The following FER variants were observed in gnomAD, a reference collection of about 807,000 sequenced individuals.
FER encodes the protein tyrosine-protein kinase Fer.
In FER, 63 loss-of-function variants were observed where a neutral mutation model predicts 111.0. The observed-to-expected ratio is 0.57, with a 90% CI of 0.46 to 0.70. FER has a LOEUF of 0.70. Ranked by LOEUF, FER falls within the 30% of genes least tolerant of loss-of-function variation. The pLI, the probability that FER is intolerant of heterozygous loss-of-function variation, is 0.00. For synonymous variants in FER, 327 were observed against 313.9 expected (o/e 1.04, Z -0.44); for missense variants, 914 against 954.0 (o/e 0.96, Z 0.55).
At chr5:108,754,342 T>C (rs189051797) in intron 1 of FER, among the ~76,000 whole-genome samples, 1 of 144,882 alleles carries the variant, frequency 6.9e-6, no homozygotes, top group East Asian at 2.0e-4. Context: ...AGGAGTTCAA[T>C]ACTGCATTGA....
chr5:108,795,612 T>G (rs1379047743), intron 2 of FER, among the ~76,000 whole-genome samples: 1 of 152,178 alleles, frequency 6.6e-6, no homozygotes, highest in Non-Finnish European at 1.5e-5. Flanking sequence ...AGCTCACTAA[T>G]TCTTTCTTCT....
intron 13 of FER, among the ~76,000 whole-genome samples, chr5:109,025,558 G>A (rs530748185): frequency 0.024 from 3,577 of 151,324 alleles, 51 homozygotes; most frequent in African/African-American, 0.044. Context: ...CAATCATGTC[G>A]TCTGCAAACA....
chr5:109,066,737 A>G (rs1317439118), intron 16 of FER, among the ~76,000 whole-genome samples: 1 of 152,212 alleles, frequency 6.6e-6, no homozygotes, highest in African/African-American at 2.4e-5. Flanking sequence ...GATTAATTAC[A>G]CTATTTGTTA....
At chr5:108,996,485 G>A (rs1031400704) in intron 13 of FER, among the ~76,000 whole-genome samples, 1 of 152,152 alleles carries the variant, frequency 6.6e-6, no homozygotes, top group Non-Finnish European at 1.5e-5. Flanking sequence ...CATAAGGCTA[G>A]CCAGTTTTCC....
rs75720966 is a variant in FER, at chr5:109,104,770, T to C, written c.2048+4251T>C. The stretch of plus-strand genomic sequence containing the variant: ...TTTTTTTCTTTTTTTTGAAACGGAG[T>C]CTCACTCTGTCGCCCAGGCTGGAGT... On this transcript the variant is annotated intron_variant, in intron 17 of 19. Coordinates refer to ENST00000281092, the MANE Select transcript of FER (RefSeq NM_005246.4). 1.5e-3 allele frequency among the ~76,000 whole-genome samples: 225 copies of C among 151,824 alleles called. 1 individual carries two copies. The highest frequency in any genetic ancestry group is 4.9e-3 in the African/African-American group (202 of 41,336).
At chr5:109,005,027 G>T (rs1581611113) in intron 13 of FER, among the ~76,000 whole-genome samples, 1 of 152,070 alleles carries the variant, frequency 6.6e-6, no homozygotes, top group South Asian at 2.1e-4. Flanking sequence ...ACTAGCCACA[G>T]TAGGAACTTA....
intron 2 of FER, among the ~76,000 whole-genome samples, chr5:108,779,635 G>T (rs1347790237): frequency 6.6e-6 from 1 of 152,184 alleles, no homozygotes; most frequent in Non-Finnish European, 1.5e-5. Context: ...TTGTGTATTA[G>T]CCTTGAAGCC....
intron 17 of FER, among the ~76,000 whole-genome samples, chr5:109,138,690 G>A (rs1407220693): frequency 3.9e-5 from 6 of 151,998 alleles, no homozygotes; most frequent in Non-Finnish European, 2.9e-5. Flanking sequence ...AGCTATCCTT[G>A]TGTTTCCATC....
intron 8 of FER, among the ~76,000 whole-genome samples, chr5:108,873,236 G>T (rs1017019912): frequency 1.3e-5 from 2 of 151,840 alleles, no homozygotes; most frequent in African/African-American, 4.8e-5. Flanking sequence ...CCTCTGCCTC[G>T]CAGTTCAAAT....
intron 13 of FER, among the ~76,000 whole-genome samples, chr5:109,027,149 C>G (rs1768865981): frequency 6.6e-6 from 1 of 151,710 alleles, no homozygotes. Flanking sequence ...TTCTTTCAAA[C>G]TATTACACTG....
rs532871366 is a variant in FER at position 108,805,305 on chromosome 5, C to T, written c.207+6916C>T. Reference sequence around the variant, plus strand: ...TTGCCTTCCACCATGTTTGTGAGGCCTCCCCAGCCATGTGGAACTGTAAGT... The same window carrying T: ...TTGCCTTCCACCATGTTTGTGAGGCTTCCCCAGCCATGTGGAACTGTAAGT... On this transcript the variant is annotated intron_variant, in intron 3 of 19. Transcript: ENST00000281092. Among the ~76,000 whole-genome samples the T allele has an allele frequency of 3.3e-5, 5 of 152,284 alleles. No individual in the cohort carries two copies. The East Asian group carries it at 9.7e-4, about 29-fold the overall frequency.
chr5:108,978,069 A>T (rs1761602196), intron 13 of FER, among the ~76,000 whole-genome samples: 1 of 150,898 alleles, frequency 6.6e-6, no homozygotes, highest in East Asian at 2.0e-4. Flanking sequence ...CTGGTCTTGA[A>T]CTCCTGAGCT....
At chr5:109,015,429 G>A (rs1766946611) in intron 13 of FER, among the ~76,000 whole-genome samples, 3 of 151,940 alleles carry the variant, frequency 2.0e-5, no homozygotes, top group Admixed American at 1.3e-4. Flanking sequence ...GTTGGAGGGA[G>A]CATATATTCA....
chr5:108,956,219 T>C (rs114792750), intron 12 of FER, among the ~76,000 whole-genome samples: 128 of 151,778 alleles, frequency 8.4e-4, no homozygotes, highest in African/African-American at 2.5e-3. Context: ...CTTTAAGTTA[T>C]GAATTTAGAT....
chr5:108,971,629 GCAT>G lies in FER; in HGVS notation c.1656+12284_1656+12286del, dbSNP rs1760676090. Among the ~76,000 whole-genome samples, 4 of 152,194 alleles carry G rather than the reference GCAT, an allele frequency of 2.6e-5. No individual in the cohort carries two copies. The South Asian group carries it at 6.2e-4, about 24-fold the overall frequency. On this transcript the variant is annotated intron_variant, in intron 13 of 19. Coordinates refer to ENST00000281092, the MANE Select transcript of FER (RefSeq NM_005246.4). The stretch of plus-strand genomic sequence containing the variant: ...CAGATCTCATAGGTTGTTGATTTTA[GCAT>G]CCTTTAAATGTAGCCAAGGTTATAA...
chr5:108,803,803 CT>C (rs1756922237), intron 3 of FER, among the ~76,000 whole-genome samples: 1 of 152,000 alleles, frequency 6.6e-6, no homozygotes, highest in African/African-American at 2.4e-5. Flanking sequence ...CTTAGGACTG[CT>C]TTGGCTATTT....
chr5:108,964,193 G>A (rs542887181), intron 13 of FER, among the ~76,000 whole-genome samples: 6 of 152,258 alleles, frequency 3.9e-5, no homozygotes, highest in East Asian at 1.9e-4. Flanking sequence ...GCGAATAAAT[G>A]TTATGAAAAT....
chr5:108,770,402 A>G (rs1015520339), intron 2 of FER, among the ~76,000 whole-genome samples: 1 of 152,198 alleles, frequency 6.6e-6, no homozygotes, highest in African/African-American at 2.4e-5. Flanking sequence ...ATTTTTGGCC[A>G]GTCCGAAATC....
At chr5:108,975,547 G>T (rs946179257) in intron 13 of FER, among the ~76,000 whole-genome samples, 1 of 152,082 alleles carries the variant, frequency 6.6e-6, no homozygotes, top group African/African-American at 2.4e-5. Context: ...CATCCTAAAG[G>T]GTTTGATCTT....
Sources: gnomAD v4.1 joint callset for allele counts (sites outside exome capture counted in the v4.1 genomes callset) on GRCh38, gnomAD v4.1.1 for gene constraint, MANE v1.5 for transcripts, NCBI Gene and HGNC (gene_info 2026-07-23, HGNC 2026-07-21) for gene names.